Variants in PTPRM observed in about 807,000 individuals in gnomAD.
The protein encoded by PTPRM is protein tyrosine phosphatase receptor type M.
Under a neutral mutation model 186.7 loss-of-function variants are expected in PTPRM, and 47 were observed. The ratio of observed to expected loss-of-function variants is 0.25; its 90% CI spans 0.20 to 0.32. The LOEUF is 0.32. Ranked by LOEUF, PTPRM falls within the 10% of genes least tolerant of loss-of-function variation. The pLI is 1.00. For missense variants in PTPRM, 1,494 were observed against 1,865.0 expected (o/e 0.80, Z 3.66); for synonymous variants, 668 against 674.9 (o/e 0.99, Z 0.16).
chr18:7,931,011 T>C (rs551479250), intron 5 of PTPRM, among the ~76,000 whole-genome samples: 2 of 152,018 alleles, frequency 1.3e-5, no homozygotes, highest in Admixed American at 1.3e-4. Flanking sequence ...AGCGCATCCA[T>C]TGTTACAGCT....
intron 1 of PTPRM, among the ~76,000 whole-genome samples, chr18:7,758,693 T>C (rs893233842): frequency 6.6e-6 from 1 of 152,202 alleles, no homozygotes; most frequent in African/African-American, 2.4e-5. Context: ...TTACTAATTA[T>C]CAGTAAAGAT....
intron 1 of PTPRM, among the ~76,000 whole-genome samples, chr18:7,717,020 T>G (rs1278037450): frequency 6.6e-6 from 1 of 152,132 alleles, no homozygotes; most frequent in Non-Finnish European, 1.5e-5. Flanking sequence ...CATGCACACA[T>G]ATGTTTATTG....
intron 2 of PTPRM, among the ~76,000 whole-genome samples, chr18:7,827,015 T>C (rs2045519680): frequency 6.6e-6 from 1 of 152,118 alleles, no homozygotes; most frequent in African/African-American, 2.4e-5. Flanking sequence ...GGTGGGAGGA[T>C]TGCTTGGGTC....
At chr18:8,344,946 C>T (rs2095497231) in intron 23 of PTPRM, among the ~76,000 whole-genome samples, 1 of 152,032 alleles carries the variant, frequency 6.6e-6, no homozygotes, top group Non-Finnish European at 1.5e-5. Context: ...GAGAGGAGCA[C>T]CAGCCAGCCC....
intron 5 of PTPRM, among the ~76,000 whole-genome samples, chr18:7,938,800 A>G (rs1251124386): frequency 6.6e-6 from 1 of 152,228 alleles, no homozygotes; most frequent in Non-Finnish European, 1.5e-5. Context: ...TATACCAATA[A>G]TAATAGGATA....
chr18:7,593,548 G>T (rs2037178521), intron 1 of PTPRM, among the ~76,000 whole-genome samples: 1 of 152,164 alleles, frequency 6.6e-6, no homozygotes, highest in African/African-American at 2.4e-5. Flanking sequence ...AAGGCAAGAA[G>T]CGGTGGAGCT....
chr18:7,747,472 G>C (rs775850119), intron 1 of PTPRM: 1 of 152,334 alleles, frequency 6.6e-6, no homozygotes, highest in African/African-American at 2.4e-5. Context: ...CTCACAGTTC[G>C]GGAGACTAGA....
At chr18:7,826,190 A>T (rs771571562) in intron 2 of PTPRM, among the ~76,000 whole-genome samples, 1 of 152,212 alleles carries the variant, frequency 6.6e-6, no homozygotes, top group Non-Finnish European at 1.5e-5. Context: ...CACGCTGCAT[A>T]TTGACTAAGA....
chr18:7,910,325 T>A (rs2050195722), intron 4 of PTPRM, among the ~76,000 whole-genome samples: 1 of 152,224 alleles, frequency 6.6e-6, no homozygotes, highest in Non-Finnish European at 1.5e-5. Flanking sequence ...AGGTTCTTGG[T>A]GTCTTGAACA....
intron 31 of PTPRM, among the ~76,000 whole-genome samples, chr18:8,394,043 T>C (rs1220260897): frequency 2.6e-5 from 4 of 152,188 alleles, no homozygotes; most frequent in African/African-American, 9.7e-5. Context: ...CCACCCACCT[T>C]GGCCTCCCAA....
At chr18:7,754,096 T>A (rs1387028807) in intron 1 of PTPRM, among the ~76,000 whole-genome samples, 1 of 152,234 alleles carries the variant, frequency 6.6e-6, no homozygotes, top group Non-Finnish European at 1.5e-5. Flanking sequence ...TATGTGAAAA[T>A]GCTTTAGAAC....
At chr18:7,960,041 C>T (rs1403723698) in intron 7 of PTPRM, among the ~76,000 whole-genome samples, 1 of 152,140 alleles carries the variant, frequency 6.6e-6, no homozygotes, top group East Asian at 1.9e-4. Context: ...CTACTTGAAA[C>T]AGAGAAATGG....
In PTPRM at chr18:7,567,936, GCGGGACGCC is replaced by G. The variant is rs554237026; in HGVS notation, c.73+55_73+63del. On this transcript the variant is annotated intron_variant, in intron 1 of 32. Coordinates refer to ENST00000580170, the MANE Select transcript of PTPRM (RefSeq NM_001105244.2). This position sits in a 1 kb window ranked among gnomAD's most constrained non-coding sequence, Gnocchi z 4.3. ...CCGCCCCCGAGGCGCGCGGGCCGGC[GCGGGACGCC>G]CGGGACGCCGACAGCTCCCTGGTGG... 168 of 1,514,624 alleles carry G rather than the reference GCGGGACGCC, an allele frequency of 1.1e-4. 1 individual carries two copies. The highest frequency in any genetic ancestry group is 4.2e-4 in the South Asian group (34 of 81,476). The allele number at this position is 1,514,624 out of a possible 1,614,324, so 93.8% of individuals were successfully genotyped here.
chr18:7,845,651 G>A (rs2046557624), intron 2 of PTPRM, among the ~76,000 whole-genome samples: 1 of 152,094 alleles, frequency 6.6e-6, no homozygotes, highest in African/African-American at 2.4e-5. Flanking sequence ...AACATTCCCT[G>A]TTATTCTAAG....
chr18:7,984,415 T>C (rs763308000), intron 7 of PTPRM, among the ~76,000 whole-genome samples: 6 of 151,880 alleles, frequency 4.0e-5, no homozygotes, highest in Non-Finnish European at 7.4e-5. Context: ...CTTTCTGCTA[T>C]GATGTAGCTA....
chr18:8,038,401 G>A (rs1321353271), intron 7 of PTPRM, among the ~76,000 whole-genome samples: 3 of 95,920 alleles, frequency 3.1e-5, no homozygotes, highest in Non-Finnish European at 4.3e-5. Flanking sequence ...TTTTTTTTTG[G>A]TGTTATTTGA....
At chr18:8,150,694 G>A (rs868137519) in intron 14 of PTPRM, among the ~76,000 whole-genome samples, 3 of 152,086 alleles carry the variant, frequency 2.0e-5, no homozygotes, top group Non-Finnish European at 2.9e-5. Context: ...CCTTGCTGGC[G>A]AGGAATTATG....
chr18:8,072,093 G>A (rs1306095249), intron 8 of PTPRM, among the ~76,000 whole-genome samples: 1 of 152,078 alleles, frequency 6.6e-6, no homozygotes, highest in Non-Finnish European at 1.5e-5. Flanking sequence ...TTGACAAGAA[G>A]TACTGTCTGT....
At chr18:8,000,033 C>G (rs1037089804) in intron 7 of PTPRM, among the ~76,000 whole-genome samples, 1 of 152,172 alleles carries the variant, frequency 6.6e-6, no homozygotes, top group Non-Finnish European at 1.5e-5. Flanking sequence ...AGTTCAGAAG[C>G]GGTCAGGCAA....
Sources: allele counts gnomAD v4.1 joint callset (sites outside exome capture counted in the v4.1 genomes callset), GRCh38; gene constraint gnomAD v4.1.1; non-coding constraint Gnocchi (gnomAD v3.1); transcripts MANE v1.5; gene names NCBI Gene and HGNC (gene_info 2026-07-23, HGNC 2026-07-21).